Variants in ZFHX3 observed in about 807,000 individuals in gnomAD.
ZFHX3 encodes the protein zinc finger homeobox 3.
A neutral mutation model predicts 279.1 loss-of-function variants in ZFHX3; 42 were observed. The observed-to-expected ratio is 0.15, with a 90% CI of 0.12 to 0.19. The LOEUF (loss-of-function observed/expected upper bound fraction) is 0.19, where lower values mean the gene tolerates loss of function less well. Among genes scored for constraint, ZFHX3 ranks in the 10% least tolerant of loss-of-function variants. The pLI, the probability that ZFHX3 is intolerant of heterozygous loss-of-function variation, is 1.00. For missense variants in ZFHX3, 4,981 were observed against 4,754.0 expected (o/e 1.05, Z -1.40); for synonymous variants, 2,293 against 1,957.8 (o/e 1.17, Z -4.52).
intron 2 of ZFHX3, among the ~76,000 whole-genome samples, chr16:73,650,494 G>C (rs936989292): frequency 3.3e-5 from 5 of 152,146 alleles, no homozygotes; most frequent in African/African-American, 1.2e-4. Flanking sequence ...GAATAGAGCA[G>C]AGAGAAAAAA....
chr16:73,787,853 G>A (rs1350663400), intron 1 of ZFHX3, among the ~76,000 whole-genome samples: 1 of 137,216 alleles, frequency 7.3e-6, no homozygotes, highest in South Asian at 2.4e-4. Context: ...GTGTGTGTGT[G>A]AAAGAGAGAG....
intron 1 of ZFHX3, among the ~76,000 whole-genome samples, chr16:73,876,337 G>A (rs1282599201): frequency 6.6e-6 from 1 of 152,174 alleles, no homozygotes; most frequent in Non-Finnish European, 1.5e-5. Context: ...CCACACCCAT[G>A]TACACCTAGG....
At chr16:73,595,967 G>C (rs886653996) in intron 2 of ZFHX3, among the ~76,000 whole-genome samples, 1 of 147,900 alleles carries the variant, frequency 6.8e-6, no homozygotes, top group Non-Finnish European at 1.5e-5. Flanking sequence ...TCTCTCTCCC[G>C]ACCATTACTT....
chr16:73,888,337 G>T (rs966582614), intron 1 of ZFHX3, among the ~76,000 whole-genome samples: 3 of 152,084 alleles, frequency 2.0e-5, no homozygotes, highest in Non-Finnish European at 4.4e-5. Flanking sequence ...TTATTTTTCA[G>T]ATCTACATGC....
chr16:72,886,436 G>C (rs2038623252), intron 4 of ZFHX3, among the ~76,000 whole-genome samples: 1 of 152,152 alleles, frequency 6.6e-6, no homozygotes, highest in Non-Finnish European at 1.5e-5. Context: ...AACCTCGAAG[G>C]CACTGGTGCC....
At chr16:73,684,749 G>A (rs1021643962) in intron 1 of ZFHX3, among the ~76,000 whole-genome samples, 3 of 145,762 alleles carry the variant, frequency 2.1e-5, no homozygotes, top group Non-Finnish European at 4.4e-5. Context: ...CACCCAGGCT[G>A]AAGTGCAGTG....
intron 3 of ZFHX3, among the ~76,000 whole-genome samples, chr16:73,332,931 TC>T (rs1331937910): frequency 6.6e-5 from 10 of 152,246 alleles, no homozygotes; most frequent in Admixed American, 6.5e-5. Context: ...CTCTTGTACT[TC>T]CCTCTTTCCT....
intron 4 of ZFHX3, among the ~76,000 whole-genome samples, chr16:72,832,393 C>T (rs1472668914): frequency 6.6e-6 from 1 of 152,074 alleles, no homozygotes; most frequent in South Asian, 2.1e-4. Flanking sequence ...TGCTTTCTTC[C>T]CTCCCTGCCC....
rs75174704 is a variant in ZFHX3 at position 72,798,719 on chromosome 16, T to TAAAA, written c.3968-9_3968-6dup. 14 of 1,432,412 alleles carry TAAAA rather than the reference T, an allele frequency of 9.8e-6. No homozygotes were observed. In the East Asian group the frequency reaches 2.1e-4, roughly 22 times the overall value. 88.7% of individuals were successfully genotyped at this position (1,432,412 alleles called of 1,614,324 possible). A position where few individuals can be genotyped will look rare whatever the true frequency, so the allele number is the denominator to read the frequency against. Reference sequence around the variant, plus strand: ...TTCCCAGATCCTCTGAGGTTTCTGTTAAAAAAAAAAAAAAAATCAAACCCA... The same window carrying TAAAA: ...TTCCCAGATCCTCTGAGGTTTCTGTTAAAAAAAAAAAAAAAAAAAATCAAACCCA... On this transcript the variant is annotated splice_region_variant and splice_polypyrimidine_tract_variant and intron_variant, in intron 8 of 9. Coordinates refer to ENST00000268489, the MANE Select transcript of ZFHX3 (RefSeq NM_006885.4).
intron 1 of ZFHX3, among the ~76,000 whole-genome samples, chr16:73,871,115 C>G (rs1232202059): frequency 1.3e-5 from 2 of 152,164 alleles, no homozygotes; most frequent in East Asian, 3.9e-4. Flanking sequence ...TAATTGTTTA[C>G]TTATTGACAC....
At chr16:73,404,969 T>TCATCCTTAGACCATTTGCAACGGTCC (rs1444509790) in intron 3 of ZFHX3, among the ~76,000 whole-genome samples, 1 of 152,212 alleles carries the variant, frequency 6.6e-6, no homozygotes, top group African/African-American at 2.4e-5. Flanking sequence ...CGGAGTCACA[T>TCATCCTTAGACCATTTGCAACGGTCC]CATCCTTAGA....
chr16:73,439,644 G>A (rs1215055761), intron 3 of ZFHX3, among the ~76,000 whole-genome samples: 1 of 152,068 alleles, frequency 6.6e-6, no homozygotes, highest in Non-Finnish European at 1.5e-5. Flanking sequence ...TTGCCAGTCA[G>A]ATTGCCTCCT....
intron 2 of ZFHX3, among the ~76,000 whole-genome samples, chr16:73,514,177 G>A (rs557019299): frequency 1.3e-5 from 2 of 152,114 alleles, no homozygotes; most frequent in Non-Finnish European, 2.9e-5. Flanking sequence ...GAGCCCAGGA[G>A]GCAGAGGTTG....
chr16:73,022,478 G>A (rs978074469), intron 1 of ZFHX3, among the ~76,000 whole-genome samples: 1 of 152,180 alleles, frequency 6.6e-6, no homozygotes. Flanking sequence ...TTGGGGATGA[G>A]GGTGGCTGTC....
chr16:73,623,814 G>A (rs931352752), intron 2 of ZFHX3, among the ~76,000 whole-genome samples: 8 of 152,130 alleles, frequency 5.3e-5, no homozygotes, highest in African/African-American at 1.7e-4. Context: ...TTGAGCAGCC[G>A]TGACTGACTG....
intron 1 of ZFHX3, among the ~76,000 whole-genome samples, chr16:72,962,244 G>A (rs947569852): frequency 6.6e-6 from 1 of 152,240 alleles, no homozygotes; most frequent in Non-Finnish European, 1.5e-5. Flanking sequence ...CCTGGGCTGG[G>A]CCAGAGAAAC....
At chr16:73,397,098 T>C (rs903358437) in intron 3 of ZFHX3, among the ~76,000 whole-genome samples, 4 of 152,234 alleles carry the variant, frequency 2.6e-5, no homozygotes, top group African/African-American at 9.6e-5. Flanking sequence ...GGGACATCTT[T>C]GTCATAGCCT....
intron 2 of ZFHX3, among the ~76,000 whole-genome samples, chr16:73,677,947 A>G (rs1042040598): frequency 2.6e-5 from 4 of 152,084 alleles, no homozygotes; most frequent in African/African-American, 9.6e-5. Context: ...CCTCCAATGG[A>G]ATGACTCAAT....
chr16:73,065,945 G>A (rs1158867844), intron 8 of ZFHX3, among the ~76,000 whole-genome samples: 1 of 152,228 alleles, frequency 6.6e-6, no homozygotes, highest in Non-Finnish European at 1.5e-5. Flanking sequence ...CTCATGACAC[G>A]AAATTTGGAG....
Sources: allele counts gnomAD v4.1 joint callset (sites outside exome capture counted in the v4.1 genomes callset), GRCh38; gene constraint gnomAD v4.1.1; transcripts MANE v1.5; gene names NCBI Gene and HGNC (gene_info 2026-07-23, HGNC 2026-07-21).